IL36B: variants seen among roughly 807,000 people sequenced by gnomAD.
IL36B encodes interleukin-36 beta.
In IL36B, 23 loss-of-function variants were observed where a neutral mutation model predicts 19.3. That is an observed-to-expected ratio of 1.19 (90% confidence interval 0.86 to 1.69). The LOEUF is 1.69. Ranked by LOEUF, IL36B falls within the 40% of genes most tolerant of loss-of-function variation. IL36B has a pLI of 0.00. For synonymous variants in IL36B, 59 were observed against 59.7 expected (o/e 0.99, Z 0.05); for missense variants, 217 against 200.5 (o/e 1.08, Z -0.50).
At chr2:113,042,733 A>G (rs1216191283) in intron 1 of IL36B, among the ~76,000 whole-genome samples, 2 of 152,232 alleles carry the variant, frequency 1.3e-5, no homozygotes, top group Non-Finnish European at 2.9e-5. Context: ...GCTATTACAA[A>G]TAGAGCTACT....
intron 5 of IL36B, among the ~76,000 whole-genome samples, chr2:113,025,895 A>T (rs1684949230): frequency 6.6e-6 from 1 of 152,154 alleles, no homozygotes; most frequent in South Asian, 2.1e-4. Context: ...ATGCAAGATG[A>T]TGACAAGTGA....
Position 113,035,454 on chromosome 2 carries a change from G to A in IL36B, c.-57-3688C>T, listed in dbSNP as rs34801108. Among the ~76,000 whole-genome samples, 1,035 of 152,156 alleles carry A rather than the reference G, an allele frequency of 6.8e-3. 15 individuals carry two copies. Among genetic ancestry groups the A allele is most frequent in the African/African-American group, 0.024 (992 of 41,486 alleles). On this transcript the variant is annotated intron_variant, in intron 1 of 5. Transcript: ENST00000259213. The stretch of plus-strand genomic sequence containing the variant: ...GCCCCTAACATCTCAGCACTGGTAG[G>A]GGTACATGATCCATTCGCCTATGCC...
At chr2:113,024,828 C>T (rs891739877) in intron 5 of IL36B, among the ~76,000 whole-genome samples, 3 of 152,218 alleles carry the variant, frequency 2.0e-5, no homozygotes, top group Non-Finnish European at 4.4e-5. Flanking sequence ...GCACATTTAG[C>T]TATTTACAGA....
chr2:113,022,891 T>A (rs1385743393), intron 5 of IL36B: 1 of 671,462 alleles, frequency 1.5e-6, no homozygotes, highest in Admixed American at 2.3e-5. Flanking sequence ...TGGAGGAGAT[T>A]GGAGTTTGCC....
At chr2:113,041,851 C>A (rs1188428166) in intron 1 of IL36B, among the ~76,000 whole-genome samples, 1 of 152,192 alleles carries the variant, frequency 6.6e-6, no homozygotes, top group African/African-American at 2.4e-5. Flanking sequence ...CTCCTGGGCT[C>A]AAGAGATCCT....
rs750738483 is a variant in IL36B at position 113,028,043 on chromosome 2, C to T, written c.261+896G>A. 10 of 1,614,000 alleles carry T rather than the reference C, an allele frequency of 6.2e-6. No homozygotes were observed. The Admixed American group carries it at 8.3e-5, about 13-fold the overall frequency. ...ACTGACTGAAAGACAGAAGTGGAGC[C>T]TTCTTTATTGTGGAAAAAGAGAAAG... On this transcript the variant is annotated intron_variant, in intron 4 of 5. Transcript: ENST00000259213.
Position 113,045,706 on chromosome 2 carries a change from C to T in IL36B, c.-58+7111G>A, listed in dbSNP as rs567792727. 5.9e-5 allele frequency among the ~76,000 whole-genome samples: 9 copies of T among 152,080 alleles called. No homozygotes were observed. In the East Asian group the frequency reaches 1.2e-3, roughly 20 times the overall value. On this transcript the variant is annotated intron_variant, in intron 1 of 5. Coordinates refer to ENST00000259213, the MANE Select transcript of IL36B (RefSeq NM_014438.5). ...AATTTATTTTGGAACATTTCTATTT[C>T]GATGTCCTCAAATTCACTAATAATT... is the stretch of plus-strand genomic sequence containing the variant.
At position 113,022,400 on chromosome 2, in the gene IL36B, T is replaced by C. The variant is rs150466366; in HGVS notation, c.*274A>G. ...ATCTTCCCATTTTTCATGAAAACCT[T>C]GACTTTACAATTTTTTAAAAAACAC... On this transcript the variant is annotated 3_prime_UTR_variant, in exon 6 of 6. Transcript: ENST00000259213. The C allele has an allele frequency of 0.01, 2,365 of 232,604 alleles. 11 individuals are homozygous for C. Among genetic ancestry groups the C allele is most frequent in the Non-Finnish European group, 0.015 (1,754 of 119,862 alleles). The allele number at this position is 232,604 out of a possible 1,614,324, so 14.4% of individuals were successfully genotyped here.
At chr2:113,033,241 T>C (rs925433568) in intron 1 of IL36B, among the ~76,000 whole-genome samples, 3 of 152,248 alleles carry the variant, frequency 2.0e-5, no homozygotes, top group Admixed American at 1.3e-4. Context: ...TTACTTTTTT[T>C]TTGGAGATGG....
intron 3 of IL36B, among the ~76,000 whole-genome samples, chr2:113,029,952 G>A (rs554500568): frequency 6.6e-6 from 1 of 152,342 alleles, no homozygotes; most frequent in South Asian, 2.1e-4. Context: ...GAGAAGATGG[G>A]CCAGGTGCGG....
chr2:113,040,955 T>C (rs1363875290), intron 1 of IL36B, among the ~76,000 whole-genome samples: 1 of 152,064 alleles, frequency 6.6e-6, no homozygotes, highest in East Asian at 1.9e-4. Context: ...CAGGAGTTTG[T>C]GACCAGCTTG....
chr2:113,035,830 C>G (rs1213278430), intron 1 of IL36B, among the ~76,000 whole-genome samples: 1 of 152,148 alleles, frequency 6.6e-6, no homozygotes, highest in African/African-American at 2.4e-5. Flanking sequence ...ATAGACAATG[C>G]CTTTCCTGAC....
At chr2:113,035,205 C>T (rs1315719967) in intron 1 of IL36B, among the ~76,000 whole-genome samples, 1 of 152,114 alleles carries the variant, frequency 6.6e-6, no homozygotes, top group Admixed American at 6.5e-5. Flanking sequence ...GGATGTCCAA[C>T]CATGAAAAGA....
At chr2:113,040,100 A>C (rs2862774) in intron 1 of IL36B, among the ~76,000 whole-genome samples, 26,785 of 152,264 alleles carry the variant, frequency 0.18, 2,445 homozygotes, top group Non-Finnish European at 0.2. Flanking sequence ...ATGAAGACCA[A>C]TGCTGAAATT....
At chr2:113,042,537 A>G (rs372406014) in intron 1 of IL36B, among the ~76,000 whole-genome samples, 34 of 152,084 alleles carry the variant, frequency 2.2e-4, no homozygotes, top group African/African-American at 8.0e-4. Flanking sequence ...TTCTGTCACT[A>G]TAGGTTTGTT....
chr2:113,048,581 T>A (rs530540748), intron 1 of IL36B, among the ~76,000 whole-genome samples: 1 of 152,192 alleles, frequency 6.6e-6, no homozygotes, highest in Admixed American at 6.5e-5. Flanking sequence ...CTGAAGGTAC[T>A]AGAAAAAGGA....
chr2:113,038,162 AG>A (rs1423731413), intron 1 of IL36B, among the ~76,000 whole-genome samples: 7 of 152,140 alleles, frequency 4.6e-5, no homozygotes, highest in Non-Finnish European at 1.0e-4. Flanking sequence ...TTGGGCCAGG[AG>A]GTAGTTTGGG....
intron 1 of IL36B, among the ~76,000 whole-genome samples, chr2:113,038,603 A>G (rs1325745851): frequency 6.6e-6 from 1 of 152,180 alleles, no homozygotes; most frequent in East Asian, 1.9e-4. Context: ...GACATCCCCA[A>G]GTCTCAGTCC....
chr2:113,027,637 C>A, intron 4 of IL36B: 1 of 1,287,624 alleles, frequency 7.8e-7, no homozygotes, highest in Non-Finnish European at 9.9e-7. Context: ...CTAAACTGGG[C>A]ATGGCAGCTG....
Sources: gnomAD v4.1 joint callset for allele counts (sites outside exome capture counted in the v4.1 genomes callset) on GRCh38, gnomAD v4.1.1 for gene constraint, MANE v1.5 for transcripts, NCBI Gene and HGNC (gene_info 2026-07-23, HGNC 2026-07-21) for gene names.